Variants in PTPRD observed in about 807,000 individuals in gnomAD.
The protein encoded by PTPRD is receptor-type tyrosine-protein phosphatase delta.
A neutral mutation model predicts 214.5 loss-of-function variants in PTPRD; 34 were observed. The observed-to-expected ratio is 0.16, with a 90% CI of 0.12 to 0.21. The LOEUF (loss-of-function observed/expected upper bound fraction) is 0.21. Among genes scored for constraint, PTPRD ranks in the 10% least tolerant of loss-of-function variants. PTPRD has a pLI of 1.00. For missense variants in PTPRD, 2,545 were observed against 2,398.7 expected (o/e 1.06, Z -1.27); for synonymous variants, 1,128 against 845.7 (o/e 1.33, Z -5.79).
At chr9:9,203,879 G>C (rs2099943300) in intron 9 of PTPRD, among the ~76,000 whole-genome samples, 1 of 152,220 alleles carries the variant, frequency 6.6e-6, no homozygotes, top group Admixed American at 6.5e-5. Context: ...TAATTTGAGT[G>C]TAGAGTATGA....
At chr9:9,887,516 T>C (rs1053767808) in intron 5 of PTPRD, among the ~76,000 whole-genome samples, 8 of 152,144 alleles carry the variant, frequency 5.3e-5, no homozygotes, top group African/African-American at 1.4e-4. Flanking sequence ...GCTGATCTTA[T>C]GGTAAAGCCC....
intron 8 of PTPRD, among the ~76,000 whole-genome samples, chr9:9,416,618 T>C (rs942132200): frequency 6.6e-6 from 1 of 152,164 alleles, no homozygotes; most frequent in Non-Finnish European, 1.5e-5. Context: ...TTCCACAATA[T>C]GCTCAAGGAC....
intron 14 of PTPRD, among the ~76,000 whole-genome samples, chr9:8,548,296 T>G (rs1564244945): frequency 6.6e-6 from 1 of 152,210 alleles, no homozygotes; most frequent in Non-Finnish European, 1.5e-5. Flanking sequence ...CAAAGATGGC[T>G]GGCCAGGTCC....
At chr9:10,460,371 T>TAA (rs200250124) in intron 2 of PTPRD, among the ~76,000 whole-genome samples, 1 of 147,216 alleles carries the variant, frequency 6.8e-6, no homozygotes, top group African/African-American at 2.5e-5. Flanking sequence ...CAAAAATAGA[T>TAA]AAAAAAACCC....
chr9:8,521,645 G>A lies in PTPRD; in HGVS notation c.692-99C>T, dbSNP rs1592670439. On this transcript the variant is annotated intron_variant, in intron 19 of 45. Coordinates refer to ENST00000381196, the MANE Select transcript of PTPRD (RefSeq NM_002839.4). ...ACCGTACAGACACGATTCAACAATT[G>A]AAACATTGTGGATTGTCCAAAAACA... is the stretch of plus-strand genomic sequence containing the variant. The A allele has an allele frequency of 8.9e-6, 12 of 1,349,478 alleles. No homozygotes were observed. In the East Asian group the frequency reaches 2.1e-4, roughly 24 times the overall value. The allele number at this position is 1,349,478 out of a possible 1,614,324, so 83.6% of individuals were successfully genotyped here. A position where few individuals can be genotyped will look rare whatever the true frequency, so the allele number is the denominator to read the frequency against.
At chr9:9,677,171 C>T (rs1168948424) in intron 7 of PTPRD, among the ~76,000 whole-genome samples, 4 of 151,880 alleles carry the variant, frequency 2.6e-5, no homozygotes, top group Non-Finnish European at 5.9e-5. Context: ...GTTGCCATTG[C>T]TTTTTGGTGT....
At chr9:8,476,234 G>T (rs774304558) in intron 30 of PTPRD, among the ~76,000 whole-genome samples, 2 of 152,174 alleles carry the variant, frequency 1.3e-5, no homozygotes, top group Non-Finnish European at 2.9e-5. Context: ...TCAGGCATTA[G>T]ATTCTCATAA....
chr9:9,585,901 G>T (rs1348332971), intron 7 of PTPRD, among the ~76,000 whole-genome samples: 2 of 152,012 alleles, frequency 1.3e-5, no homozygotes, highest in Non-Finnish European at 2.9e-5. Context: ...AAATTAACAT[G>T]GAGAAACTGG....
At chr9:10,012,426 G>A (rs947701247) in intron 4 of PTPRD, among the ~76,000 whole-genome samples, 2 of 151,878 alleles carry the variant, frequency 1.3e-5, no homozygotes, top group African/African-American at 4.8e-5. Flanking sequence ...TTTCACTTAT[G>A]TGTAAGATGA....
At chr9:9,852,679 T>C (rs2060770573) in intron 5 of PTPRD, among the ~76,000 whole-genome samples, 1 of 152,150 alleles carries the variant, frequency 6.6e-6, no homozygotes, top group Non-Finnish European at 1.5e-5. Context: ...TCTTTTAAAC[T>C]TTTAAAGTAA....
chr9:8,476,392 G>T (rs2096765790), intron 30 of PTPRD, among the ~76,000 whole-genome samples: 1 of 152,136 alleles, frequency 6.6e-6, no homozygotes, highest in South Asian at 2.1e-4. Context: ...CTGCTGTGTG[G>T]TCGGGTTCCT....
chr9:10,570,805 G>A (rs920099696), intron 2 of PTPRD, among the ~76,000 whole-genome samples: 1 of 151,932 alleles, frequency 6.6e-6, no homozygotes, highest in African/African-American at 2.4e-5. Context: ...CAGGCTTCAA[G>A]TGCTCTATTG....
chr9:9,243,041 G>A (rs2099971177), intron 9 of PTPRD, among the ~76,000 whole-genome samples: 1 of 152,042 alleles, frequency 6.6e-6, no homozygotes, highest in Non-Finnish European at 1.5e-5. Flanking sequence ...CCTTCTGTTT[G>A]TTAGTTTTCC....
chr9:10,482,404 A>G (rs2099106527), intron 2 of PTPRD, among the ~76,000 whole-genome samples: 1 of 151,722 alleles, frequency 6.6e-6, no homozygotes, highest in Non-Finnish European at 1.5e-5. Context: ...AAATAAATAA[A>G]TCAATCAATA....
intron 11 of PTPRD, among the ~76,000 whole-genome samples, chr9:8,740,632 T>C (rs1397280828): frequency 6.6e-6 from 1 of 152,142 alleles, no homozygotes; most frequent in Admixed American, 6.5e-5. Flanking sequence ...ATATAAGAAA[T>C]TATTTGTATG....
chr9:9,384,358 T>C (rs1238376565), intron 9 of PTPRD, among the ~76,000 whole-genome samples: 1 of 59,700 alleles, frequency 1.7e-5, no homozygotes, highest in African/African-American at 8.3e-5. Flanking sequence ...TTTTTTTTTT[T>C]TTTTTTTTTT....
rs2073684471 is a variant in PTPRD at position 8,525,040 on chromosome 9, A to G, written c.569-5T>C. 6.2e-7 allele frequency: 1 copy of G among 1,607,772 alleles called. No homozygotes were observed. On this transcript the variant is annotated splice_region_variant and splice_polypyrimidine_tract_variant and intron_variant, in intron 17 of 45. Transcript: ENST00000381196. Reference sequence around the variant, plus strand: ...TCTGCTCAATCTGAAGGGCTCCTGTATGGATATAAAATATATTGCCAAAGA... The same window carrying G: ...TCTGCTCAATCTGAAGGGCTCCTGTGTGGATATAAAATATATTGCCAAAGA...
intron 39 of PTPRD, among the ~76,000 whole-genome samples, chr9:8,354,313 A>C (rs1196616538): frequency 6.6e-6 from 1 of 152,168 alleles, no homozygotes; most frequent in Non-Finnish European, 1.5e-5. Flanking sequence ...ATAAACAGAA[A>C]AACTTTATGT....
At chr9:8,393,521 A>G (rs1324384984) in intron 36 of PTPRD, among the ~76,000 whole-genome samples, 2 of 152,162 alleles carry the variant, frequency 1.3e-5, no homozygotes, top group South Asian at 2.1e-4. Context: ...CATAAGCAAA[A>G]TTTTAGAACA....
Sources: allele counts gnomAD v4.1 joint callset (sites outside exome capture counted in the v4.1 genomes callset), GRCh38; gene constraint gnomAD v4.1.1; transcripts MANE v1.5; gene names NCBI Gene and HGNC (gene_info 2026-07-23, HGNC 2026-07-21).